Variants in IVL observed in about 807,000 individuals in gnomAD.
IVL encodes the protein involucrin.
For missense variants in IVL, 722 were observed against 624.9 expected (o/e 1.16, Z -1.66); for synonymous variants, 257 against 271.0 (o/e 0.95, Z 0.51).
intron 1 of IVL, 103 bp from the exon 2 acceptor site, chr1:152,909,676 G>C: frequency 1.2e-6 from 1 of 848,078 alleles, no homozygotes; most frequent in East Asian, 2.6e-5. Flanking sequence ...CCCTGCCCAA[G>C]GGAAGAGGGG....
In IVL at chr1:152,911,701, G is replaced by T; in HGVS notation, c.*146G>T. The stretch of plus-strand genomic sequence containing the variant: ...CTACATGTCTCTTTAATGGGGTGAG[G>T]GTGGGGGAGAGAGGGAATTATTGTC... On this transcript the variant is annotated 3_prime_UTR_variant, in exon 2 of 2. Coordinates refer to ENST00000368764, the MANE Select transcript of IVL (RefSeq NM_005547.4). 1 of 812,736 alleles carries T rather than the reference G, an allele frequency of 1.2e-6. No homozygotes were observed. The highest frequency in any genetic ancestry group is 2.6e-5 in the East Asian group (1 of 38,320). The allele number at this position is 812,736 out of a possible 1,614,324, so 50.3% of individuals were successfully genotyped here.
chr1:152,909,705 C>A, intron 1 of IVL, 74 bp from the exon 2 acceptor site: 2 of 1,233,874 alleles, frequency 1.6e-6, no homozygotes, highest in Non-Finnish European at 1.1e-6. Flanking sequence ...AAACCAGATA[C>A]TTCTGCAGAT....
chr1:152,910,193 G>A lies in IVL; in HGVS notation c.396G>A (p.Gln132=), dbSNP rs376206742. The A allele has an allele frequency of 1.2e-6, 2 of 1,614,234 alleles. No individual in the cohort carries two copies. The highest frequency in any genetic ancestry group is 1.7e-6 in the Non-Finnish European group (2 of 1,180,038). The change falls in exon 2 of 2, where the codon CAG becomes CAA. Residue 132 remains glutamine, a synonymous_variant. Coordinates refer to ENST00000368764, the MANE Select transcript of IVL (RefSeq NM_005547.4). ...AAGAAGAGAAGAAGCTCTTAGACCA[G>A]CAACTGGATCAAGAGCTAGTCAAGA... ...QLEEEKKLLD[Q]QLDQELVKRD...
chr1:152,911,635 G>T lies in IVL; in HGVS notation c.*80G>T. ...CACTGGCTCCACTTATTTCGGGTCC[G>T]CTAGGTGGCCCGTCTCATCTGTGAA... On this transcript the variant is annotated 3_prime_UTR_variant, in exon 2 of 2. Coordinates refer to ENST00000368764, the MANE Select transcript of IVL (RefSeq NM_005547.4). The T allele has an allele frequency of 1.5e-6, 2 of 1,351,870 alleles. No individual in the cohort carries two copies. The highest frequency in any genetic ancestry group is 1.0e-6 in the Non-Finnish European group (1 of 981,530). The allele number at this position is 1,351,870 out of a possible 1,614,324, so 83.7% of individuals were successfully genotyped here.
At position 152,911,334 on chromosome 1, in the gene IVL, C is replaced by A; in HGVS notation, c.1537C>A (p.Pro513Thr). The change falls in exon 2 of 2, where the codon CCA becomes ACA. Residue 513 changes from proline (P) to threonine (T), a missense_variant. Physicochemically the swap from Pro to Thr is conservative, Grantham distance 38 (BLOSUM62 -1). Transcript: ENST00000368764. The part of the protein sequence containing the change: ...LEQQEKHLEH[P>T]EQQDGQLKHL... ...ACAGCAGGAAAAGCACCTAGAGCACCCAGAGCAGCAGGACGGACAACTAAA... is the reference window on the plus strand; with the variant it reads ...ACAGCAGGAAAAGCACCTAGAGCACACAGAGCAGCAGGACGGACAACTAAA... The A allele has an allele frequency of 6.3e-7, 1 of 1,593,750 alleles. No individual in the cohort carries two copies. The highest frequency in any genetic ancestry group is 8.5e-7 in the Non-Finnish European group (1 of 1,169,984).
intron 1 of IVL, 82 bp from the exon 2 acceptor site, chr1:152,909,697 A>G: frequency 8.7e-7 from 1 of 1,145,278 alleles, no homozygotes; most frequent in Non-Finnish European, 1.2e-6. Flanking sequence ...ATGCTAAAAA[A>G]CCAGATACTT....
chr1:152,911,300 G>T lies in IVL; in HGVS notation c.1503G>T (p.Lys501Asn), dbSNP rs139585407. The T allele has an allele frequency of 2.7e-5, 43 of 1,568,644 alleles. No homozygotes were observed. The African/African-American group carries it at 3.4e-4, about 12-fold the overall frequency. ...CAGAGCAGCAGGTAGGACAGCCAAA[G>T]CACCTGGAACAGCAGGAAAAGCACC... Reference protein sequence around the residue: ...ELPEQQVGQPKHLEQQEKHLE... With the variant: ...ELPEQQVGQPNHLEQQEKHLE... Residue 501 changes from lysine to asparagine, a missense_variant, in exon 2 of 2, where the codon AAG (lysine) becomes AAT (asparagine). Coordinates refer to ENST00000368764, the MANE Select transcript of IVL (RefSeq NM_005547.4).
rs778343690 is a variant in IVL, at chr1:152,911,886, A to G, written c.*331A>G. 5.4e-5 allele frequency: 15 copies of G among 276,990 alleles called. No individual in the cohort carries two copies. The highest frequency in any genetic ancestry group is 9.4e-5 in the Non-Finnish European group (13 of 138,672). 17.2% of individuals were successfully genotyped at this position (276,990 alleles called of 1,614,324 possible). ...TAAATCCTGGAAGTCTTGGGATCCT[A>G]TATTCTCTTTAGCATTTTCTTCTAT... On this transcript the variant is annotated 3_prime_UTR_variant, in exon 2 of 2. Transcript: ENST00000368764.
Position 152,910,529 on chromosome 1 carries a change from G to T in IVL, c.732G>T (p.Glu244Asp), listed in dbSNP as rs1189045291. Residue 244 changes from glutamate to aspartate, a missense_variant, in exon 2 of 2, where the codon GAG becomes GAT. By Grantham distance (45) the Glu-to-Asp change is conservative (BLOSUM62 2). Transcript: ENST00000368764. ...CACAGCAGCAGGAGGGGCAGCTGGAGCTCTCTGAGCAGCAGGAGGGGCAGC... is the reference window on the plus strand; with the variant it reads ...CACAGCAGCAGGAGGGGCAGCTGGATCTCTCTGAGCAGCAGGAGGGGCAGC... ...ELPQQQEGQLELSEQQEGQLE... is the reference protein window; with the variant it reads ...ELPQQQEGQLDLSEQQEGQLE... The T allele has an allele frequency of 1.3e-6, 2 of 1,529,686 alleles. No individual in the cohort carries two copies. The highest frequency in any genetic ancestry group is 1.8e-6 in the Non-Finnish European group (2 of 1,136,664). The allele number at this position is 1,529,686 out of a possible 1,614,324, so 94.8% of individuals were successfully genotyped here.
rs764232043 is a variant in IVL at position 152,909,959 on chromosome 1, G to T, written c.162G>T (p.Glu54Asp). 5.6e-6 allele frequency: 9 copies of T among 1,614,032 alleles called. No individual in the cohort carries two copies. The South Asian group carries it at 9.9e-5, about 18-fold the overall frequency. The change falls in exon 2 of 2, where the codon GAG becomes GAT. Residue 54 changes from glutamate to aspartate, a missense_variant. Transcript: ENST00000368764. Reference sequence around the variant, plus strand: ...AGGTGCCTGTCGAGCTCCCAGTGGAGGTCCCATCAAAGCAAGAGGAAAAGC... The same window carrying T: ...AGGTGCCTGTCGAGCTCCCAGTGGATGTCCCATCAAAGCAAGAGGAAAAGC... ...CQKVPVELPV[E>D]VPSKQEEKHM... is the part of the protein sequence containing the mutation.
At position 152,909,791 on chromosome 1, in the gene IVL, T is replaced by C; in HGVS notation, c.-7T>C. 6.2e-7 allele frequency: 1 copy of C among 1,607,532 alleles called. No individual in the cohort carries two copies. The highest frequency in any genetic ancestry group is 1.3e-5 in the African/African-American group (1 of 74,818). On this transcript the variant is annotated 5_prime_UTR_variant, in exon 2 of 2. Coordinates refer to ENST00000368764, the MANE Select transcript of IVL (RefSeq NM_005547.4). ...TTCTGTCTTTCAGGTTGACAGTAGC[T>C]TCTAAGATGTCCCAGCAACACACAC...
chr1:152,909,729 T>C, intron 1 of IVL, 50 bp from the exon 2 acceptor site: 1 of 1,443,622 alleles, frequency 6.9e-7, no homozygotes, highest in Non-Finnish European at 9.4e-7. Flanking sequence ...CAAGGTTTCA[T>C]CTATTTCCTT....
Position 152,911,860 on chromosome 1 carries a change from A to C in IVL, c.*305A>C. 3.0e-6 allele frequency: 1 copy of C among 333,980 alleles called. No homozygotes were observed. The highest frequency in any genetic ancestry group is 5.5e-5 in the East Asian group (1 of 18,094). 20.7% of individuals were successfully genotyped at this position (333,980 alleles called of 1,614,324 possible). On this transcript the variant is annotated 3_prime_UTR_variant, in exon 2 of 2. Transcript: ENST00000368764. ...CAGTGAGTGTGTACAATGATACATA[A>C]TAAATCCTGGAAGTCTTGGGATCCT...
In IVL at chr1:152,910,128, G is replaced by A. The variant is rs777417330; in HGVS notation, c.331G>A (p.Glu111Lys). Residue 111 changes from glutamate (E) to lysine (K), a missense_variant, in exon 2 of 2, where the codon GAG (glutamate) becomes AAG (lysine). Glu to Lys is a moderately conservative substitution (Grantham distance 56). Coordinates refer to ENST00000368764, the MANE Select transcript of IVL (RefSeq NM_005547.4). The part of the protein sequence containing the change: ...AENPEQQLKQ[E>K]KTQRDQQLNK... ...AAACCCAGAGCAGCAGCTTAAGCAG[G>A]AGAAAACACAAAGGGATCAGCAGCT... 1.9e-6 allele frequency: 3 copies of A among 1,613,700 alleles called. No homozygotes were observed. In the African/African-American group the frequency reaches 4.0e-5, roughly 22 times the overall value.
At chr1:152,908,787 T>G (rs996762515) in intron 1 of IVL, among the ~76,000 whole-genome samples, 198 bp downstream of exon 1, 4 of 152,194 alleles carry the variant, frequency 2.6e-5, no homozygotes, top group Non-Finnish European at 5.9e-5. Context: ...AGAGTAATCA[T>G]CCTATGTCCC....
rs1649956807 is a variant in IVL, at chr1:152,910,833, C to G, written c.1036C>G (p.Leu346Val). ...LEEQEGQLKH[L>V]EQQEGQLEHL... ...GGAGCAGGAGGGGCAGCTGAAGCACCTGGAGCAGCAGGAGGGGCAGCTGGA... is the reference window on the plus strand; with the variant it reads ...GGAGCAGGAGGGGCAGCTGAAGCACGTGGAGCAGCAGGAGGGGCAGCTGGA... The change falls in exon 2 of 2, where the codon CTG becomes GTG. Residue 346 changes from leucine to valine, a missense_variant. Coordinates refer to ENST00000368764, the MANE Select transcript of IVL (RefSeq NM_005547.4). 7 of 1,549,884 alleles carry G rather than the reference C, an allele frequency of 4.5e-6. No homozygotes were observed. The highest frequency in any genetic ancestry group is 1.2e-5 in the South Asian group (1 of 83,942).
rs1650010051 is a variant in IVL at position 152,911,784 on chromosome 1, G to A, written c.*229G>A. On this transcript the variant is annotated 3_prime_UTR_variant, in exon 2 of 2. Transcript: ENST00000368764. ...TCAGGTGAGCAGAGCCTCTACTTGA[G>A]GGACTATTGTTACTATAGGAATCCT... is the stretch of plus-strand genomic sequence containing the variant. 1.8e-6 allele frequency: 1 copy of A among 548,458 alleles called. No individual in the cohort carries two copies. Among genetic ancestry groups the A allele is most frequent in the South Asian group, 2.9e-5 (1 of 35,052 alleles). 34.0% of individuals were successfully genotyped at this position (548,458 alleles called of 1,614,324 possible). A position where few individuals can be genotyped will look rare whatever the true frequency, so the allele number is the denominator to read the frequency against.
chr1:152,909,924 C>T lies in IVL; in HGVS notation c.127C>T (p.Pro43Ser). The T allele has an allele frequency of 6.2e-7, 1 of 1,614,212 alleles. No homozygotes were observed. The highest frequency in any genetic ancestry group is 1.1e-5 in the South Asian group (1 of 91,080). Residue 43 changes from proline to serine, a missense_variant, in exon 2 of 2, where the codon CCA becomes TCA. By Grantham distance (74) the Pro-to-Ser change is moderately conservative (BLOSUM62 -1). Transcript: ENST00000368764. ...GAAACAGCCAACTCCACTGCCTCCC[C>T]CATGCCAGAAGGTGCCTGTCGAGCT... ...QMKQPTPLPP[P>S]CQKVPVELPV...
Position 152,911,813 on chromosome 1 carries a change from T to G in IVL, c.*258T>G. 4.2e-6 allele frequency: 2 copies of G among 474,072 alleles called. No individual in the cohort carries two copies. The highest frequency in any genetic ancestry group is 7.7e-6 in the Non-Finnish European group (2 of 260,560). 29.4% of individuals were successfully genotyped at this position (474,072 alleles called of 1,614,324 possible). On this transcript the variant is annotated 3_prime_UTR_variant, in exon 2 of 2. Coordinates refer to ENST00000368764, the MANE Select transcript of IVL (RefSeq NM_005547.4). The stretch of plus-strand genomic sequence containing the variant: ...CTATTGTTACTATAGGAATCCTTAC[T>G]TCCCCAGTATTGAAGCTGAATCAGT...
Sources: allele counts gnomAD v4.1 joint callset (sites outside exome capture counted in the v4.1 genomes callset), GRCh38; gene constraint gnomAD v4.1.1; transcripts MANE v1.5; gene names NCBI Gene and HGNC (gene_info 2026-07-23, HGNC 2026-07-21).